Variants in ZPBP observed in about 807,000 individuals in gnomAD.
ZPBP encodes zona pellucida-binding protein 1.
In ZPBP, 26 loss-of-function variants were observed where a neutral mutation model predicts 44.8. The ratio of observed to expected loss-of-function variants is 0.58; its 90% CI spans 0.43 to 0.81. The LOEUF (loss-of-function observed/expected upper bound fraction) is 0.81, where lower values mean the gene tolerates loss of function less well. Among genes scored for constraint, ZPBP ranks in the 30% least tolerant of loss-of-function variants. The pLI is 0.00. For missense variants in ZPBP, 409 were observed against 434.0 expected (o/e 0.94, Z 0.51); for synonymous variants, 174 against 153.2 (o/e 1.14, Z -1.00).
At chr7:50,004,311 A>G (rs1798214565) in intron 6 of ZPBP, among the ~76,000 whole-genome samples, 1 of 151,432 alleles carries the variant, frequency 6.6e-6, no homozygotes, top group South Asian at 2.1e-4. Flanking sequence ...CAGGTTTTTT[A>G]GCCTTTGGAC....
chr7:49,877,322 C>T (rs1023320778), intron 2 of ZPBP, among the ~76,000 whole-genome samples: 10 of 149,636 alleles, frequency 6.7e-5, no homozygotes, highest in African/African-American at 2.2e-4. Flanking sequence ...ATTAGCTGGG[C>T]GTGGTGGCAG....
intron 2 of ZPBP, among the ~76,000 whole-genome samples, chr7:49,875,843 AG>A (rs1384062400): frequency 6.0e-4 from 92 of 152,186 alleles, no homozygotes; most frequent in African/African-American, 2.1e-3. Context: ...TACTGGCTGC[AG>A]GCTCCATGAG....
chr7:49,858,251 C>A (rs541625409), intron 2 of ZPBP, among the ~76,000 whole-genome samples: 1 of 152,118 alleles, frequency 6.6e-6, no homozygotes, highest in Non-Finnish European at 1.5e-5. Flanking sequence ...ATGACACATG[C>A]ACACGTATGT....
chr7:50,092,364 A>T (rs3807323), intron 1 of ZPBP, among the ~76,000 whole-genome samples: 126,229 of 152,130 alleles, frequency 0.83, 52,390 homozygotes, highest in East Asian at 0.88. Flanking sequence ...ACCTCCACAA[A>T]CCTTTTACAT....
At chr7:49,935,269 A>T (rs1252394635), downstream of ZPBP, among the ~76,000 whole-genome samples, 5 of 152,228 alleles carry the variant, frequency 3.3e-5, no homozygotes, top group African/African-American at 1.2e-4. Flanking sequence ...AGACAAACAT[A>T]ATCAACTAAA....
rs574430829 is a variant in ZPBP, at chr7:50,058,018, T to C, written c.458A>G (p.Lys153Arg). The change falls in exon 4 of 8, where the codon AAA (lysine) becomes AGA (arginine). Residue 153 changes from lysine (K) to arginine (R), a missense_variant. By Grantham distance (26) the Lys-to-Arg change is conservative. Transcript: ENST00000046087. The stretch of plus-strand genomic sequence containing the variant: ...TATAGCATATTTTAGTTGAAGACGT[T>C]TAACAATTTCTTCCACAGTAGGTTT... Reference protein sequence around the residue: ...EYKPTVEEIVKRLQLKYAIYA... With the variant: ...EYKPTVEEIVRRLQLKYAIYA... The C allele has an allele frequency of 3.2e-5, 52 of 1,612,532 alleles. No homozygotes were observed. The East Asian group carries it at 7.6e-4, about 24-fold the overall frequency.
intron 4 of ZPBP, among the ~76,000 whole-genome samples, chr7:50,057,632 G>A (rs1801026138): frequency 6.6e-6 from 1 of 152,124 alleles, no homozygotes; most frequent in Non-Finnish European, 1.5e-5. Context: ...TCCTGTTTTG[G>A]GGGATGGCAG....
At chr7:50,050,343 G>T (rs1800626135) in intron 4 of ZPBP, among the ~76,000 whole-genome samples, 1 of 152,014 alleles carries the variant, frequency 6.6e-6, no homozygotes, top group Non-Finnish European at 1.5e-5. Flanking sequence ...TGGTGCTGAG[G>T]TTTTCTATAT....
At chr7:49,911,946 C>CACAT (rs1554345027) in intron 1 of ZPBP, 1 of 744,256 alleles carries the variant, frequency 1.3e-6, no homozygotes. Flanking sequence ...CACACACACA[C>CACAT]ATATATATAC....
intron 1 of ZPBP, chr7:49,918,782 G>A (rs1793856083): frequency 6.6e-6 from 1 of 152,150 alleles, no homozygotes; most frequent in Non-Finnish European, 1.5e-5. Context: ...CCAAATTTCA[G>A]TGATGGGCTG....
At chr7:49,849,007 G>A (rs1373496685), downstream of ZPBP, among the ~76,000 whole-genome samples, 1 of 152,158 alleles carries the variant, frequency 6.6e-6, no homozygotes, top group Non-Finnish European at 1.5e-5. Context: ...CAATACAGTA[G>A]CCAATTGTCT....
intron 2 of ZPBP, among the ~76,000 whole-genome samples, chr7:49,859,833 G>A (rs1345417081): frequency 6.6e-6 from 1 of 151,706 alleles, no homozygotes; most frequent in Non-Finnish European, 1.5e-5. Flanking sequence ...CACTCACTCT[G>A]CTGAGGTTTT....
At chr7:49,867,997 C>A (rs1790986049) in intron 2 of ZPBP, among the ~76,000 whole-genome samples, 1 of 152,152 alleles carries the variant, frequency 6.6e-6, no homozygotes, top group Admixed American at 6.5e-5. Flanking sequence ...CTATACCTGA[C>A]TAATTTTTGT....
At chr7:49,857,009 CAAAAAAAAAAAAAAAA>C (rs59910243) in intron 2 of ZPBP, among the ~76,000 whole-genome samples, 1 of 52,764 alleles carries the variant, frequency 1.9e-5, no homozygotes, top group African/African-American at 7.9e-5. Flanking sequence ...GATACTGTCT[CAAAAAAAAAAAAAAAA>C]AAAAAAAAAA....
At chr7:49,858,242 T>G (rs979508942) in intron 2 of ZPBP, among the ~76,000 whole-genome samples, 1 of 152,146 alleles carries the variant, frequency 6.6e-6, no homozygotes, top group African/African-American at 2.4e-5. Flanking sequence ...GCTGCTATAA[T>G]GACACATGCA....
intron 2 of ZPBP, among the ~76,000 whole-genome samples, chr7:49,856,067 C>G (rs1790405120): frequency 6.6e-6 from 1 of 152,168 alleles, no homozygotes; most frequent in Non-Finnish European, 1.5e-5. Flanking sequence ...GGCTGATGTT[C>G]CCTTCTGTCC....
chr7:49,919,491 A>G (rs1333233707), intron 1 of ZPBP: 4 of 152,206 alleles, frequency 2.6e-5, no homozygotes, highest in Non-Finnish European at 5.9e-5. Flanking sequence ...CCAATGACAT[A>G]AAAAACTAAG....
intron 1 of ZPBP, chr7:49,919,623 G>T (rs1227249833): frequency 3.9e-5 from 6 of 152,096 alleles, no homozygotes; most frequent in Non-Finnish European, 8.8e-5. Context: ...ATCTACCCAT[G>T]TTACATAATG....
intron 6 of ZPBP, among the ~76,000 whole-genome samples, chr7:50,005,493 G>T (rs1798266295): frequency 6.6e-6 from 1 of 151,972 alleles, no homozygotes; most frequent in South Asian, 2.1e-4. Context: ...AATATGGGAA[G>T]GTGCAGAGCT....
Sources: allele counts gnomAD v4.1 joint callset (sites outside exome capture counted in the v4.1 genomes callset), GRCh38; gene constraint gnomAD v4.1.1; transcripts MANE v1.5; gene names NCBI Gene and HGNC (gene_info 2026-07-23, HGNC 2026-07-21).